Variants in CAMK2B observed in about 807,000 individuals in gnomAD.
The protein encoded by CAMK2B is calcium/calmodulin dependent protein kinase II beta.
Under a neutral mutation model 93.7 loss-of-function variants are expected in CAMK2B, and 27 were observed. That is an observed-to-expected ratio of 0.29 (90% CI 0.21 to 0.40). The LOEUF (loss-of-function observed/expected upper bound fraction) is 0.40. Ranked by LOEUF, CAMK2B falls within the 10% of genes least tolerant of loss-of-function variation. The pLI is 1.00. For synonymous variants in CAMK2B, 374 were observed against 358.8 expected (o/e 1.04, Z -0.48); for missense variants, 568 against 895.8 (o/e 0.63, Z 4.67).
In CAMK2B at chr7:44,258,936, C is replaced by T. The variant is rs1301944058; in HGVS notation, c.221-10G>A. The T allele has an allele frequency of 1.9e-6, 3 of 1,613,382 alleles. No homozygotes were observed. Among genetic ancestry groups the T allele is most frequent in the Non-Finnish European group, 2.5e-6 (3 of 1,179,640 alleles). On this transcript the variant is annotated splice_polypyrimidine_tract_variant and intron_variant, in intron 3 of 23. Coordinates refer to ENST00000395749, the MANE Select transcript of CAMK2B (RefSeq NM_001220.5). ...CTGTCGTGGAGACGCACTGTGGGGA[C>T]AGAGAAGCCATGAGGGGCTGGCAAT...
At chr7:44,228,658 C>T (rs992672463) in intron 19 of CAMK2B, 138 bp downstream of exon 19, 28 of 785,980 alleles carry the variant, frequency 3.6e-5, no homozygotes, top group African/African-American at 2.2e-4. Flanking sequence ...CAGGAAGCCC[C>T]GCCAGGGCAG....
chr7:44,310,400 G>C (rs1158614799), intron 1 of CAMK2B, among the ~76,000 whole-genome samples: 2 of 152,296 alleles, frequency 1.3e-5, no homozygotes, highest in African/African-American at 2.4e-5. Flanking sequence ...CTCCTGGTTC[G>C]TAAGTGGGGA....
At chr7:44,223,574 C>T (rs893101111) in intron 20 of CAMK2B, among the ~76,000 whole-genome samples, 6 of 125,482 alleles carry the variant, frequency 4.8e-5, no homozygotes, top group African/African-American at 1.9e-4. Flanking sequence ...AGGAAAGTAG[C>T]ATATGACACT....
chr7:44,244,921 C>T, intron 6 of CAMK2B: 1 of 455,974 alleles, frequency 2.2e-6, no homozygotes, highest in Non-Finnish European at 4.4e-6. Context: ...TGCTGGGGCA[C>T]ACGCATCCGT....
At position 44,228,759 on chromosome 7, in the gene CAMK2B, G is replaced by C. The variant is rs777621741; in HGVS notation, c.1468+37C>G. The C allele has an allele frequency of 6.3e-6, 9 of 1,435,184 alleles. No homozygotes were observed. The East Asian group carries it at 2.1e-4, about 33-fold the overall frequency. 88.9% of individuals were successfully genotyped at this position (1,435,184 alleles called of 1,614,324 possible). A position where few individuals can be genotyped will look rare whatever the true frequency, so the allele number is the denominator to read the frequency against. On this transcript the variant is annotated intron_variant, in intron 19 of 23. Transcript: ENST00000395749. ...GCCGGCCATTCGCAGGGAGCTGTCCGGCAGCAGAGGCGGCAGGCCTGGGGG... is the reference window on the plus strand; with the variant it reads ...GCCGGCCATTCGCAGGGAGCTGTCCCGCAGCAGAGGCGGCAGGCCTGGGGG...
intron 1 of CAMK2B, among the ~76,000 whole-genome samples, chr7:44,293,054 C>T (rs1456026431): frequency 6.6e-6 from 1 of 150,940 alleles, no homozygotes; most frequent in Non-Finnish European, 1.5e-5. Context: ...AGTGGTGTGG[C>T]TGCCCCCTTT....
In CAMK2B at chr7:44,283,442, T is replaced by C. The variant is rs946126697; in HGVS notation, c.160+689A>G. On this transcript the variant is annotated intron_variant, in intron 2 of 23. Coordinates refer to ENST00000395749, the MANE Select transcript of CAMK2B (RefSeq NM_001220.5). ...CCAGCAGGGCTCTGGAGGCCCGTGATGGGGCATATCCACATGCTGAGGGCC... is the reference window on the plus strand; with the variant it reads ...CCAGCAGGGCTCTGGAGGCCCGTGACGGGGCATATCCACATGCTGAGGGCC... 8.5e-5 allele frequency among the ~76,000 whole-genome samples: 13 copies of C among 152,338 alleles called. No homozygotes were observed. The South Asian group carries it at 1.2e-3, about 15-fold the overall frequency.
At chr7:44,305,196 G>C (rs1207534802) in intron 1 of CAMK2B, among the ~76,000 whole-genome samples, 1 of 152,116 alleles carries the variant, frequency 6.6e-6, no homozygotes, top group Non-Finnish European at 1.5e-5. Context: ...AGTGTATAAG[G>C]GTTCCCTTCA....
intron 1 of CAMK2B, among the ~76,000 whole-genome samples, chr7:44,303,006 C>T (rs948421482): frequency 6.6e-6 from 1 of 152,024 alleles, no homozygotes; most frequent in Non-Finnish European, 1.5e-5. Context: ...TAGAAAACCC[C>T]AAAGAATCAA....
At chr7:44,266,024 C>T (rs866418515) in intron 2 of CAMK2B, among the ~76,000 whole-genome samples, 3 of 152,038 alleles carry the variant, frequency 2.0e-5, no homozygotes, top group Non-Finnish European at 4.4e-5. Flanking sequence ...AGTGATCATG[C>T]GTTACTTCCA....
intron 2 of CAMK2B, among the ~76,000 whole-genome samples, chr7:44,266,715 C>G (rs560442082): frequency 6.6e-6 from 1 of 152,148 alleles, no homozygotes; most frequent in Non-Finnish European, 1.5e-5. Context: ...CCCATCAATG[C>G]CCCCAGGACC....
chr7:44,276,112 C>A (rs1199832992), intron 2 of CAMK2B, among the ~76,000 whole-genome samples: 2 of 148,882 alleles, frequency 1.3e-5, no homozygotes, highest in Admixed American at 6.7e-5. Flanking sequence ...GGGAGAGAAG[C>A]CAGAGGGGAA....
Position 44,275,114 on chromosome 7 carries a change from C to T in CAMK2B, c.160+9017G>A, listed in dbSNP as rs191704399. Among the ~76,000 whole-genome samples the T allele has an allele frequency of 3.3e-4, 51 of 152,338 alleles. 1 individual carries two copies. Among genetic ancestry groups the T allele is most frequent in the Admixed American group, 3.2e-3 (49 of 15,308 alleles). ...TGCGGAAGGACGCAAAGGGGTCCTC[C>T]GTGACAACTCCTCCCCTCCCCTCCC... On this transcript the variant is annotated intron_variant, in intron 2 of 23. Transcript: ENST00000395749.
Position 44,226,588 on chromosome 7 carries a change from C to A in CAMK2B, c.1525G>T (p.Ala509Ser). The change falls in exon 20 of 24, where the codon GCC becomes TCC. Residue 509 changes from alanine to serine, a missense_variant. Coordinates refer to ENST00000395749, the MANE Select transcript of CAMK2B (RefSeq NM_001220.5). ...SVRRGSGTPE[A>S]EGPSPVGPPP... is the part of the protein sequence containing the mutation. ...GGCCCCACTGGCGAGGGGCCCTCGGCTTCTGGGGTCCCTGAGCCCCTCCTC... is the reference window on the plus strand; with the variant it reads ...GGCCCCACTGGCGAGGGGCCCTCGGATTCTGGGGTCCCTGAGCCCCTCCTC... 1 of 1,506,036 alleles carries A rather than the reference C, an allele frequency of 6.6e-7. No individual in the cohort carries two copies. The highest frequency in any genetic ancestry group is 8.8e-7 in the Non-Finnish European group (1 of 1,136,136). The allele number at this position is 1,506,036 out of a possible 1,614,324, so 93.3% of individuals were successfully genotyped here. A position where few individuals can be genotyped will look rare whatever the true frequency, so the allele number is the denominator to read the frequency against.
chr7:44,236,223 C>G (rs2096624802), intron 13 of CAMK2B, among the ~76,000 whole-genome samples: 1 of 152,226 alleles, frequency 6.6e-6, no homozygotes, highest in South Asian at 2.1e-4. Flanking sequence ...GTCCAAATGC[C>G]CAGTGCTGCC....
intron 11 of CAMK2B, 79 bp downstream of exon 11, chr7:44,241,621 C>T (rs112309781): frequency 1.5e-5 from 17 of 1,134,714 alleles, no homozygotes; most frequent in Non-Finnish European, 1.9e-5. Flanking sequence ...CTGCCCAGAC[C>T]CCCCAAGGCC....
chr7:44,239,525 G>A, intron 13 of CAMK2B, 64 bp downstream of exon 13: 2 of 1,402,696 alleles, frequency 1.4e-6, no homozygotes, highest in Non-Finnish European at 2.0e-6. Flanking sequence ...CGTGCAGCAG[G>A]GGGCTGCATG....
intron 2 of CAMK2B, among the ~76,000 whole-genome samples, chr7:44,276,301 C>G (rs2097038945): frequency 1.3e-5 from 2 of 152,134 alleles, no homozygotes; most frequent in South Asian, 2.1e-4. Context: ...TAACCCAGTT[C>G]CGCGGATTCT....
intron 5 of CAMK2B, among the ~76,000 whole-genome samples, chr7:44,252,434 G>C (rs894003217): frequency 1.3e-4 from 20 of 151,684 alleles, no homozygotes; most frequent in African/African-American, 4.8e-4. Flanking sequence ...GAGGCAGAGG[G>C]AGCATAGGAG....
Sources: allele counts gnomAD v4.1 joint callset (sites outside exome capture counted in the v4.1 genomes callset), GRCh38; gene constraint gnomAD v4.1.1; transcripts MANE v1.5; gene names NCBI Gene and HGNC (gene_info 2026-07-23, HGNC 2026-07-21).